The following DENND5A variants were observed in gnomAD, a reference collection of about 807,000 sequenced individuals.
DENND5A encodes the protein DENN domain-containing protein 5A.
DENND5A carries 64 observed loss-of-function variants against 140.3 expected under a neutral mutation model. The ratio of observed to expected loss-of-function variants is 0.46; its 90% CI spans 0.37 to 0.56. The LOEUF (loss-of-function observed/expected upper bound fraction) is 0.56. Ranked by LOEUF, DENND5A falls within the 20% of genes least tolerant of loss-of-function variation. The pLI, the probability that DENND5A is intolerant of heterozygous loss-of-function variation, is 0.00. For missense variants in DENND5A, 1,292 were observed against 1,593.8 expected (o/e 0.81, Z 3.22); for synonymous variants, 605 against 607.7 (o/e 1.00, Z 0.07).
chr11:9,224,009 T>C (rs1019734400), intron 1 of DENND5A, among the ~76,000 whole-genome samples: 1 of 151,702 alleles, frequency 6.6e-6, no homozygotes, highest in African/African-American at 2.4e-5. Context: ...CTGGCCAACA[T>C]GGCAAAACCC....
At chr11:9,209,148 G>A (rs569829962) in intron 1 of DENND5A, among the ~76,000 whole-genome samples, 2 of 152,100 alleles carry the variant, frequency 1.3e-5, no homozygotes, top group African/African-American at 2.4e-5. Context: ...TAAAAACCAC[G>A]AAATATCACA....
intron 17 of DENND5A, 151 bp from the exon 18 acceptor site, chr11:9,145,264 C>T (rs541252483): frequency 2.2e-5 from 14 of 639,476 alleles, no homozygotes; most frequent in South Asian, 7.4e-5. Flanking sequence ...GCCAGAACTG[C>T]GGTACAGCAC....
At chr11:9,197,649 C>A (rs912369781) in intron 4 of DENND5A, among the ~76,000 whole-genome samples, 2 of 151,992 alleles carry the variant, frequency 1.3e-5, no homozygotes, top group Non-Finnish European at 2.9e-5. Context: ...GGGCTGAGAT[C>A]GCGCCACTGC....
At chr11:9,256,915 T>C (rs1349973645) in intron 1 of DENND5A, among the ~76,000 whole-genome samples, 1 of 152,216 alleles carries the variant, frequency 6.6e-6, no homozygotes, top group Non-Finnish European at 1.5e-5. Flanking sequence ...AAATTGTTTA[T>C]ATATGGACAC....
intron 18 of DENND5A, 122 bp downstream of exon 18, chr11:9,144,873 G>A: frequency 1.4e-6 from 1 of 704,194 alleles, no homozygotes; most frequent in Non-Finnish European, 2.6e-6. Flanking sequence ...GAGCCAAACA[G>A]GAAGTTGCCT....
At chr11:9,241,467 C>G (rs1298465537) in intron 1 of DENND5A, among the ~76,000 whole-genome samples, 1 of 152,170 alleles carries the variant, frequency 6.6e-6, no homozygotes, top group Admixed American at 6.6e-5. Flanking sequence ...ATCTTTCCCC[C>G]ACACTCCCTC....
intron 5 of DENND5A, among the ~76,000 whole-genome samples, chr11:9,189,017 A>G (rs755249358): frequency 2.0e-4 from 30 of 152,200 alleles, no homozygotes; most frequent in Non-Finnish European, 4.1e-4. Flanking sequence ...CCCTCCCTTT[A>G]CAGGCCTGGG....
chr11:9,174,102 C>CAAAAAAAAAAAAAAAAAAA (rs57703622), intron 8 of DENND5A, among the ~76,000 whole-genome samples: 1 of 42,148 alleles, frequency 2.4e-5, no homozygotes, highest in African/African-American at 8.7e-5. Context: ...GACTCCGTCT[C>CAAAAAAAAAAAAAAAAAAA]AAAAAAAAAA....
In DENND5A at chr11:9,139,351, G is replaced by A. The variant is rs918240934; in HGVS notation, c.*320C>T. The A allele has an allele frequency of 1.9e-5, 6 of 312,004 alleles. No individual in the cohort carries two copies. The highest frequency in any genetic ancestry group is 1.1e-4 in the African/African-American group (5 of 47,360). 19.3% of individuals were successfully genotyped at this position (312,004 alleles called of 1,614,324 possible). A position where few individuals can be genotyped will look rare whatever the true frequency, so the allele number is the denominator to read the frequency against. On this transcript the variant is annotated 3_prime_UTR_variant, in exon 23 of 23. Coordinates refer to ENST00000328194, the MANE Select transcript of DENND5A (RefSeq NM_015213.4). ...GCAAGGAAACATAACTGTCCCGCAC[G>A]CAGTGCCACAGGCTCAGTCCAGGGA... is the stretch of plus-strand genomic sequence containing the variant.
intron 1 of DENND5A, among the ~76,000 whole-genome samples, chr11:9,238,142 C>G (rs1851079759): frequency 6.6e-6 from 1 of 152,036 alleles, no homozygotes; most frequent in African/African-American, 2.4e-5. Flanking sequence ...GTCTCTGCTC[C>G]TTATAATTAA....
chr11:9,232,003 G>C (rs1381255570), intron 1 of DENND5A, among the ~76,000 whole-genome samples: 4 of 151,534 alleles, frequency 2.6e-5, no homozygotes, highest in African/African-American at 9.7e-5. Flanking sequence ...TCTTTCACTT[G>C]CAGAATGCTG....
At chr11:9,240,691 C>A (rs911504805) in intron 1 of DENND5A, among the ~76,000 whole-genome samples, 1 of 150,560 alleles carries the variant, frequency 6.6e-6, no homozygotes, top group Non-Finnish European at 1.5e-5. Flanking sequence ...GCCTGGGCAA[C>A]AGAGTGAGAC....
chr11:9,230,398 G>A lies in DENND5A; in HGVS notation c.110-22766C>T, dbSNP rs61877904. Among the ~76,000 whole-genome samples the A allele has an allele frequency of 6.1e-3, 931 of 151,540 alleles. 3 individuals are homozygous for A. The highest frequency in any genetic ancestry group is 0.017 in the Middle Eastern group (5 of 294). ...TGGGACTATAGGTATGCTCCACCAC[G>A]CCAGGCTAATTTTTAAAAATTTTTT... On this transcript the variant is annotated intron_variant, in intron 1 of 22. Transcript: ENST00000328194.
In DENND5A at chr11:9,160,797, G is replaced by A. The variant is rs975005562; in HGVS notation, c.2352C>T (p.Ile784=). ...AVELGHGEVN[I]TGVEENTLIA... ...TCAGGGTGTTCTCTTCCACCCCTGT[G>A]ATGTTCACCTCCCCATGCCCTAGCT... Residue 784 remains isoleucine, a synonymous_variant, in exon 12 of 23, where the codon ATC becomes ATT. Coordinates refer to ENST00000328194, the MANE Select transcript of DENND5A (RefSeq NM_015213.4). The A allele has an allele frequency of 6.2e-7, 1 of 1,613,964 alleles. No homozygotes were observed.
At position 9,138,877 on chromosome 11, in the gene DENND5A, T is replaced by C. The variant is rs898039145; in HGVS notation, c.*794A>G. 2.0e-5 allele frequency: 3 copies of C among 152,182 alleles called. No homozygotes were observed. Among genetic ancestry groups the C allele is most frequent in the Non-Finnish European group, 4.4e-5 (3 of 68,040 alleles). The allele number at this position is 152,182 out of a possible 1,614,324, so 9.4% of individuals were successfully genotyped here. A position where few individuals can be genotyped will look rare whatever the true frequency, so the allele number is the denominator to read the frequency against. On this transcript the variant is annotated 3_prime_UTR_variant, in exon 23 of 23. Transcript: ENST00000328194. ...GGCCATACTGTAGCTGGTTTCTAAGTTGCAAAACATAAATTTAATAATAAT... is the reference window on the plus strand; with the variant it reads ...GGCCATACTGTAGCTGGTTTCTAAGCTGCAAAACATAAATTTAATAATAAT...
chr11:9,164,259 C>T (rs80139548), intron 11 of DENND5A, among the ~76,000 whole-genome samples: 2,141 of 116,574 alleles, frequency 0.018, 149 homozygotes, highest in Admixed American at 0.16. Flanking sequence ...TGCCATGTTG[C>T]TTAGCCTGGC....
chr11:9,228,044 C>T (rs772542400), intron 1 of DENND5A, among the ~76,000 whole-genome samples: 7 of 127,198 alleles, frequency 5.5e-5, no homozygotes, highest in Non-Finnish European at 1.1e-4. Flanking sequence ...ACCCAGGAGG[C>T]GGAGGTTGCA....
intron 12 of DENND5A, among the ~76,000 whole-genome samples, chr11:9,154,401 T>C (rs1264935925): frequency 1.3e-5 from 2 of 152,212 alleles, no homozygotes; most frequent in African/African-American, 2.4e-5. Flanking sequence ...TTTAACTTTT[T>C]AAGTTATACT....
At chr11:9,216,872 A>AAAT (rs143006438) in intron 1 of DENND5A, among the ~76,000 whole-genome samples, 10 of 151,964 alleles carry the variant, frequency 6.6e-5, no homozygotes, top group African/African-American at 1.5e-4. Context: ...GCCTATCTCA[A>AAAT]AATAATAATA....
Sources: allele counts gnomAD v4.1 joint callset (sites outside exome capture counted in the v4.1 genomes callset), GRCh38; gene constraint gnomAD v4.1.1; transcripts MANE v1.5; gene names NCBI Gene and HGNC (gene_info 2026-07-23, HGNC 2026-07-21).